RUNX1: variants seen among roughly 807,000 people sequenced by gnomAD.
RUNX1 encodes the protein runt-related transcription factor 1.
RUNX1 carries 19 observed loss-of-function variants against 42.8 expected under a neutral mutation model. The observed-to-expected ratio is 0.44, with a 90% CI of 0.31 to 0.65. RUNX1 has a LOEUF of 0.65. RUNX1 is among the 30% of genes least tolerant of loss of function. RUNX1 has a pLI of 0.07. For missense variants in RUNX1, 528 were observed against 672.0 expected, an observed-to-expected ratio of 0.79 and a Z score of 2.37; for synonymous variants, 271 against 289.4, an observed-to-expected ratio of 0.94 and a Z score of 0.64.
chr21:34,994,210 T>C (rs1044521200), intron 2 of RUNX1, among the ~76,000 whole-genome samples: 1 of 151,760 alleles, frequency 6.6e-6, no homozygotes, highest in African/African-American at 2.4e-5. Context: ...TTTTTTACCA[T>C]TGCTATTCAT....
In RUNX1 at chr21:34,792,223, A is replaced by G; in HGVS notation, c.1355T>C (p.Val452Ala). 1 of 1,540,004 alleles carries G rather than the reference A, an allele frequency of 6.5e-7. No individual in the cohort carries two copies. The highest frequency in any genetic ancestry group is 8.7e-7 in the Non-Finnish European group (1 of 1,149,188). Reference sequence around the variant, plus strand: ...GCTGTGGCTGCCCTCGGCCTCCACCACGTCGCTCTGGTTCGGGAGGCTGGG... The same window carrying G: ...GCTGTGGCTGCCCTCGGCCTCCACCGCGTCGCTCTGGTTCGGGAGGCTGGG... ...LNPSLPNQSD[V>A]VEAEGSHSNS... Residue 452 changes from valine (V) to alanine (A), a missense_variant, in exon 9 of 9, where the codon GTG (valine) becomes GCG (alanine). Physicochemically the swap from Val to Ala is moderately conservative, Grantham distance 64. Transcript: ENST00000675419. The surrounding 1 kb of genome is among the most constrained non-coding windows in gnomAD (Gnocchi z 6.9).
At chr21:34,824,899 A>G (rs1171174936) in intron 7 of RUNX1, among the ~76,000 whole-genome samples, 1 of 152,240 alleles carries the variant, frequency 6.6e-6, no homozygotes, top group Non-Finnish European at 1.5e-5. Context: ...ACTATGCCTA[A>G]TAAGAAAACC....
intron 7 of RUNX1, among the ~76,000 whole-genome samples, chr21:34,808,029 T>A (rs1420810858): frequency 6.6e-6 from 1 of 152,220 alleles, no homozygotes; most frequent in Non-Finnish European, 1.5e-5. Context: ...CTATTCCTAC[T>A]ACAGGTACCC....
chr21:35,013,791 G>A (rs563698106), intron 2 of RUNX1, among the ~76,000 whole-genome samples: 15 of 152,246 alleles, frequency 9.9e-5, no homozygotes, highest in Admixed American at 8.5e-4. Context: ...GATGTTCATT[G>A]CAACATTATT....
At chr21:34,983,851 G>A (rs1339757550) in intron 2 of RUNX1, among the ~76,000 whole-genome samples, 2 of 152,172 alleles carry the variant, frequency 1.3e-5, no homozygotes, top group African/African-American at 4.8e-5. Flanking sequence ...TTTGGTGTGG[G>A]GGTGGAGCAG....
intron 6 of RUNX1, among the ~76,000 whole-genome samples, chr21:34,854,475 C>A (rs1019252082): frequency 6.6e-6 from 1 of 151,836 alleles, no homozygotes; most frequent in Non-Finnish European, 1.5e-5. Context: ...ATCCCAACTA[C>A]TCAGGAGGCT....
chr21:35,001,173 T>G lies in RUNX1; in HGVS notation c.58+47669A>C, dbSNP rs568498521. On this transcript the variant is annotated intron_variant, in intron 2 of 8. Transcript: ENST00000675419. ...TAATTTTTTTTACTTCCATTTGCAATAGTTTCTTATTTGTATTTTTTAAAA... is the reference window on the plus strand; with the variant it reads ...TAATTTTTTTTACTTCCATTTGCAAGAGTTTCTTATTTGTATTTTTTAAAA... Among the ~76,000 whole-genome samples the G allele has an allele frequency of 5.3e-5, 8 of 152,168 alleles. No homozygotes were observed. In the South Asian group the frequency reaches 1.7e-3, roughly 32 times the overall value.
chr21:34,840,270 C>T (rs1286391386), intron 6 of RUNX1, among the ~76,000 whole-genome samples: 4 of 152,142 alleles, frequency 2.6e-5, no homozygotes, highest in African/African-American at 4.8e-5. Flanking sequence ...CCCACAGGAC[C>T]GGGTGTTAAT....
At chr21:34,984,510 G>GA (rs1240463054) in intron 2 of RUNX1, among the ~76,000 whole-genome samples, 4 of 152,146 alleles carry the variant, frequency 2.6e-5, no homozygotes, top group Admixed American at 2.6e-4. Flanking sequence ...CGCTGTGGAG[G>GA]AAAAATGGTT....
intron 2 of RUNX1, among the ~76,000 whole-genome samples, chr21:35,043,664 C>T (rs1292815999): frequency 6.6e-6 from 1 of 152,064 alleles, no homozygotes; most frequent in East Asian, 1.9e-4. Context: ...TATTATTAGC[C>T]CATTTTGCAG....
intron 5 of RUNX1, among the ~76,000 whole-genome samples, chr21:34,870,868 G>A (rs2057726514): frequency 6.6e-6 from 1 of 152,170 alleles, no homozygotes; most frequent in Admixed American, 6.5e-5. Context: ...TGAGGCAGGA[G>A]GATTGCTTGA....
At position 34,968,435 on chromosome 21, in the gene RUNX1, C is replaced by T. The variant is rs565047448; in HGVS notation, c.59-75472G>A. On this transcript the variant is annotated intron_variant, in intron 2 of 8. Coordinates refer to ENST00000675419, the MANE Select transcript of RUNX1 (RefSeq NM_001754.5). ...GGAGCCACAGGTGGGGCAGCCAGCA[C>T]GGAAGAGGGTGGCTTTGCTACCATT... 6.4e-4 allele frequency among the ~76,000 whole-genome samples: 98 copies of T among 152,226 alleles called. 1 individual carries two copies. The highest frequency in any genetic ancestry group is 1.9e-3 in the East Asian group (10 of 5,174).
At chr21:34,978,545 T>G (rs2058820865) in intron 2 of RUNX1, among the ~76,000 whole-genome samples, 1 of 152,242 alleles carries the variant, frequency 6.6e-6, no homozygotes, top group South Asian at 2.1e-4. Context: ...TATAACAAGA[T>G]GTCACTGGGA....
intron 5 of RUNX1, among the ~76,000 whole-genome samples, chr21:34,861,626 A>G (rs1024595628): frequency 6.7e-6 from 1 of 149,622 alleles, no homozygotes; most frequent in African/African-American, 2.5e-5. Context: ...CGCATACCTG[A>G]CTCCCAGTGT....
intron 2 of RUNX1, among the ~76,000 whole-genome samples, chr21:34,995,207 C>A (rs1260641252): frequency 6.6e-6 from 1 of 152,222 alleles, no homozygotes; most frequent in Non-Finnish European, 1.5e-5. Context: ...TTTGGCCCTA[C>A]ACATCAGACT....
chr21:34,886,325 C>T (rs1269076022), intron 4 of RUNX1, among the ~76,000 whole-genome samples: 1 of 152,144 alleles, frequency 6.6e-6, no homozygotes, highest in Non-Finnish European at 1.5e-5. Context: ...CATGCTAATT[C>T]CTATAGGGCG....
intron 2 of RUNX1, among the ~76,000 whole-genome samples, chr21:34,962,687 G>A (rs551667231): frequency 6.6e-5 from 10 of 152,280 alleles, no homozygotes; most frequent in South Asian, 2.1e-4. Flanking sequence ...TATGCACCAC[G>A]CAAGTTTCCA....
intron 2 of RUNX1, among the ~76,000 whole-genome samples, chr21:35,011,150 A>G (rs2059123794): frequency 6.6e-6 from 1 of 152,306 alleles, no homozygotes; most frequent in African/African-American, 2.4e-5. Context: ...TGAAAGTGAG[A>G]TATTTCATGG....
At chr21:34,860,962 A>G (rs2146245231) in intron 5 of RUNX1, among the ~76,000 whole-genome samples, 1 of 152,350 alleles carries the variant, frequency 6.6e-6, no homozygotes, top group Non-Finnish European at 1.5e-5. Flanking sequence ...TAACAATTAG[A>G]TGATGAAGGC....
Sources: gnomAD v4.1 joint callset for allele counts (sites outside exome capture counted in the v4.1 genomes callset) on GRCh38, gnomAD v4.1.1 for gene constraint, Gnocchi (gnomAD v3.1) non-coding constraint, MANE v1.5 for transcripts, NCBI Gene and HGNC (gene_info 2026-07-23, HGNC 2026-07-21) for gene names.